CALCOCO1: variants seen among roughly 807,000 people sequenced by gnomAD.
CALCOCO1 encodes the protein calcium-binding and coiled-coil domain-containing protein 1.
Under a neutral mutation model 86.3 loss-of-function variants are expected in CALCOCO1, and 44 were observed. That is an observed-to-expected ratio of 0.51 (90% CI 0.40 to 0.66). CALCOCO1 has a LOEUF of 0.66. CALCOCO1 is among the 30% of genes least tolerant of loss of function. The probability of loss-of-function intolerance (pLI) is 0.00; values close to 1 mark genes in which losing one functional copy is unlikely to be tolerated. For missense variants in CALCOCO1, 708 were observed against 851.1 expected (o/e 0.83, Z 2.09); for synonymous variants, 297 against 327.6 (o/e 0.91, Z 1.01).
Position 53,711,580 on chromosome 12 carries a change from G to A in CALCOCO1, c.*364C>T. 1 of 290,748 alleles carries A rather than the reference G, an allele frequency of 3.4e-6. No homozygotes were observed. The highest frequency in any genetic ancestry group is 5.8e-5 in the East Asian group (1 of 17,146). The allele number at this position is 290,748 out of a possible 1,614,324, so 18.0% of individuals were successfully genotyped here. A position where few individuals can be genotyped will look rare whatever the true frequency, so the allele number is the denominator to read the frequency against. The stretch of plus-strand genomic sequence containing the variant: ...GAATTGGCTTTGGGGCATCAGACAA[G>A]GGAGTGTGAGTGTGAGTGTGTGTGT... On this transcript the variant is annotated 3_prime_UTR_variant, in exon 15 of 15. Coordinates refer to ENST00000550804, the MANE Select transcript of CALCOCO1 (RefSeq NM_020898.3).
chr12:53,725,343 C>A (rs868348564), intron 1 of CALCOCO1, 77 bp from the exon 2 acceptor site: 4 of 946,352 alleles, frequency 4.2e-6, no homozygotes, highest in Middle Eastern at 4.6e-4. Flanking sequence ...ACCACACACT[C>A]ACAGCCCCTG....
intron 14 of CALCOCO1, chr12:53,712,334 G>C: frequency 1.8e-6 from 1 of 541,100 alleles, no homozygotes; most frequent in Non-Finnish European, 3.3e-6. Context: ...AGTCCCTGCT[G>C]GTCTCTGCAG....
intron 6 of CALCOCO1, 108 bp from the exon 7 acceptor site, chr12:53,719,937 A>G: frequency 1.5e-6 from 1 of 672,100 alleles, no homozygotes; most frequent in East Asian, 2.7e-5. Flanking sequence ...CCAGAGCTCC[A>G]TTTCACTCTG....
At chr12:53,713,251 A>C in intron 13 of CALCOCO1, 45 bp from the exon 14 acceptor site, 1 of 1,498,044 alleles carries the variant, frequency 6.7e-7, no homozygotes. Context: ...TGGTGTCCCA[A>C]GATGGGGGAG....
At chr12:53,713,967 C>T (rs1024273787) in intron 12 of CALCOCO1, 67 bp from the exon 13 acceptor site, 1 of 1,415,288 alleles carries the variant, frequency 7.1e-7, no homozygotes, top group African/African-American at 1.4e-5. Flanking sequence ...CAGCTGTCTC[C>T]TCTGGATGAG....
In CALCOCO1 at chr12:53,723,670, C is replaced by T. The variant is rs761858024; in HGVS notation, c.373G>A (p.Asp125Asn). Residue 125 changes from aspartate to asparagine, a missense_variant, in exon 4 of 15, where the codon GAT becomes AAT. Transcript: ENST00000550804. ...PFQFREPRPM[D>N]ELVTLEEADG... is the part of the protein sequence containing the mutation. ...GCCTCCTCCAGGGTCACCAGTTCATCCATGGGCCTTGGCTCTCGGAACTGG... is the reference window on the plus strand; with the variant it reads ...GCCTCCTCCAGGGTCACCAGTTCATTCATGGGCCTTGGCTCTCGGAACTGG... The T allele has an allele frequency of 6.2e-7, 1 of 1,614,236 alleles. No homozygotes were observed. Among genetic ancestry groups the T allele is most frequent in the Non-Finnish European group, 8.5e-7 (1 of 1,180,028 alleles).
chr12:53,710,602 A>C lies in CALCOCO1; in HGVS notation c.*1342T>G, dbSNP rs1383768852. 2.6e-5 allele frequency: 4 copies of C among 152,508 alleles called. No individual in the cohort carries two copies. The highest frequency in any genetic ancestry group is 9.7e-5 in the African/African-American group (4 of 41,436). The allele number at this position is 152,508 out of a possible 1,614,324, so 9.4% of individuals were successfully genotyped here. On this transcript the variant is annotated 3_prime_UTR_variant, in exon 15 of 15. Transcript: ENST00000550804. ...TTGTGACTGTTGAGGCAGAGTGTGC[A>C]TACAGGTATGAGGGGATGGCAACAG...
In CALCOCO1 at chr12:53,716,040, AG is replaced by A; in HGVS notation, c.1012del (p.Leu338TrpfsTer4). Reference protein sequence around the residue: ...LGQAQQRVAELEPLKEQLRGA... With the variant: ...LGQAQQRVAEXEPLKEQLRGA... Reference sequence around the variant, plus strand: ...TCGAAGCTGCTCCTTCAAGGGCTCCAGCTCGGCCTCAGGAGAAAGGAGGAGA... The same window carrying A: ...TCGAAGCTGCTCCTTCAAGGGCTCCACTCGGCCTCAGGAGAAAGGAGGAGA... On this transcript the variant is annotated frameshift_variant, in exon 9 of 15. Transcript: ENST00000550804. LOFTEE classifies it high-confidence loss of function. 3 of 1,612,364 alleles carry A rather than the reference AG, an allele frequency of 1.9e-6. No individual in the cohort carries two copies. Among genetic ancestry groups the A allele is most frequent in the Non-Finnish European group, 2.5e-6 (3 of 1,180,010 alleles).
rs1275266138 is a variant in CALCOCO1, at chr12:53,719,768, C to G, written c.820G>C (p.Glu274Gln). 1.9e-6 allele frequency: 3 copies of G among 1,613,972 alleles called. No individual in the cohort carries two copies. The Admixed American group carries it at 5.0e-5, about 27-fold the overall frequency. ...EQEKLLGQLK[E>Q]VQADKEQSEA... ...CTTTGCTCCTTGTCTGCTTGTACTT[C>G]TTTCAGTTGCCCAAGGAGCTTCTCT... Residue 274 changes from glutamate (E) to glutamine (Q), a missense_variant, in exon 7 of 15, where the codon GAA (glutamate) becomes CAA (glutamine). Transcript: ENST00000550804.
chr12:53,715,681 TAAG>T, intron 9 of CALCOCO1, 109 bp downstream of exon 9: 2 of 1,444,860 alleles, frequency 1.4e-6, no homozygotes, highest in East Asian at 4.6e-5. Context: ...CCAAGTCCTC[TAAG>T]GTTCTCAACC....
At chr12:53,717,386 C>A in intron 7 of CALCOCO1, among the ~76,000 whole-genome samples, 1 of 152,164 alleles carries the variant, frequency 6.6e-6, no homozygotes, top group Non-Finnish European at 1.5e-5. Context: ...GTACACGTCA[C>A]CCCTGCTTGA....
intron 6 of CALCOCO1, 54 bp downstream of exon 6, chr12:53,721,413 G>T: frequency 6.6e-7 from 1 of 1,509,216 alleles, no homozygotes; most frequent in Non-Finnish European, 8.9e-7. Context: ...GGGGGCTGGA[G>T]TGCGGGGGTC....
Position 53,711,906 on chromosome 12 carries a change from G to C in CALCOCO1, c.*38C>G. 6.6e-7 allele frequency: 1 copy of C among 1,504,424 alleles called. No homozygotes were observed. The highest frequency in any genetic ancestry group is 8.9e-7 in the Non-Finnish European group (1 of 1,120,152). 93.2% of individuals were successfully genotyped at this position (1,504,424 alleles called of 1,614,324 possible). ...TATGCATGTGTGTGAGTGTGTGTGT[G>C]CATGAGTGTGTATTTGTGCATGTAC... is the stretch of plus-strand genomic sequence containing the variant. On this transcript the variant is annotated 3_prime_UTR_variant, in exon 15 of 15. Transcript: ENST00000550804.
rs1945548174 is a variant in CALCOCO1, at chr12:53,711,477, G to A, written c.*467C>T. 5.6e-6 allele frequency: 2 copies of A among 359,400 alleles called. No individual in the cohort carries two copies. Among genetic ancestry groups the A allele is most frequent in the African/African-American group, 2.1e-5 (1 of 47,512 alleles). 22.3% of individuals were successfully genotyped at this position (359,400 alleles called of 1,614,324 possible). A position where few individuals can be genotyped will look rare whatever the true frequency, so the allele number is the denominator to read the frequency against. ...CCTGAGAGGCCATGATGTCCATGCT[G>A]CTGCCTCTGTGCAGACCCCAGAGAA... On this transcript the variant is annotated 3_prime_UTR_variant, in exon 15 of 15. Coordinates refer to ENST00000550804, the MANE Select transcript of CALCOCO1 (RefSeq NM_020898.3).
Position 53,713,112 on chromosome 12 carries a change from T to G in CALCOCO1, c.1886A>C (p.Tyr629Ser). 1.2e-6 allele frequency: 2 copies of G among 1,614,030 alleles called. No individual in the cohort carries two copies. Among genetic ancestry groups the G allele is most frequent in the African/African-American group, 2.7e-5 (2 of 75,040 alleles). ...LLLPELGSAF[Y>S]DMASGFTVGT... is the part of the protein sequence containing the mutation. ...TGGTTGAACTCACCTGGCCATGTCA[T>G]AGAAGGCACTGCCCAGTTCAGGAAG... Residue 629 changes from tyrosine to serine, a missense_variant, in exon 14 of 15, where the codon TAT becomes TCT. Tyr to Ser is a moderately radical substitution (Grantham distance 144). Transcript: ENST00000550804.
In CALCOCO1 at chr12:53,716,279, C is replaced by A. The variant is rs199990122; in HGVS notation, c.986G>T (p.Gly329Val). The change falls in exon 8 of 15, where the codon GGC becomes GTC. Residue 329 changes from glycine to valine, a missense_variant. Physicochemically the swap from Gly to Val is moderately radical, Grantham distance 109. Coordinates refer to ENST00000550804, the MANE Select transcript of CALCOCO1 (RefSeq NM_020898.3). Reference sequence around the variant, plus strand: ...ACTCACCACCCGCTGCTGGGCCTGGCCTAGGGTGTCCTTCATCTGGGCCAC... The same window carrying A: ...ACTCACCACCCGCTGCTGGGCCTGGACTAGGGTGTCCTTCATCTGGGCCAC... ...DKVAQMKDTL[G>V]QAQQRVAELE... 8 of 1,614,044 alleles carry A rather than the reference C, an allele frequency of 5.0e-6. No individual in the cohort carries two copies. In the Admixed American group the frequency reaches 1.0e-4, roughly 20 times the overall value.
rs962240775 is a variant in CALCOCO1, at chr12:53,709,693, T to C, written c.*2251A>G. The C allele has an allele frequency of 6.6e-6, 1 of 152,400 alleles. No homozygotes were observed. The highest frequency in any genetic ancestry group is 2.4e-5 in the African/African-American group (1 of 41,434). 9.4% of individuals were successfully genotyped at this position (152,400 alleles called of 1,614,324 possible). A position where few individuals can be genotyped will look rare whatever the true frequency, so the allele number is the denominator to read the frequency against. On this transcript the variant is annotated 3_prime_UTR_variant, in exon 15 of 15. Coordinates refer to ENST00000550804, the MANE Select transcript of CALCOCO1 (RefSeq NM_020898.3). Reference sequence around the variant, plus strand: ...CTCTTAAGTGCTTTTAGTCTGACAGTGTCTGTATCAGTGGCCTTGTGCAGC... The same window carrying C: ...CTCTTAAGTGCTTTTAGTCTGACAGCGTCTGTATCAGTGGCCTTGTGCAGC...
rs55751936 is a variant in CALCOCO1, at chr12:53,714,356, A to G, written c.1483-115T>C. ...TAGCTCCTCAGCATTAGATGCCTTC[A>G]GCAAAGATTGGGGCAACTTCAGGCA... On this transcript the variant is annotated intron_variant, in intron 11 of 14. Transcript: ENST00000550804. 3.9e-3 allele frequency: 3,151 copies of G among 798,294 alleles called. 72 individuals are homozygous for G. In the African/African-American group the frequency reaches 0.048, roughly 12 times the overall value. The allele number at this position is 798,294 out of a possible 1,614,324, so 49.5% of individuals were successfully genotyped here. A position where few individuals can be genotyped will look rare whatever the true frequency, so the allele number is the denominator to read the frequency against.
intron 9 of CALCOCO1, 142 bp downstream of exon 9, chr12:53,715,651 C>T: frequency 1.8e-6 from 2 of 1,116,786 alleles, no homozygotes; most frequent in East Asian, 2.5e-5. Flanking sequence ...AAGTGTACCT[C>T]CCTCAAAGCC....
Sources: allele counts gnomAD v4.1 joint callset (sites outside exome capture counted in the v4.1 genomes callset), GRCh38; gene constraint gnomAD v4.1.1; transcripts MANE v1.5; gene names NCBI Gene and HGNC (gene_info 2026-07-23, HGNC 2026-07-21).